RNF180: variants seen among roughly 807,000 people sequenced by gnomAD.
The protein encoded by RNF180 is ring finger protein 180, also known as E3 ubiquitin-protein ligase RNF180.
A neutral mutation model predicts 59.2 loss-of-function variants in RNF180; 38 were observed. The observed-to-expected ratio is 0.64, with a 90% CI of 0.50 to 0.84. RNF180 has a LOEUF of 0.84. Ranked by LOEUF, RNF180 falls within the 40% of genes least tolerant of loss-of-function variation. The pLI is 0.00. For missense variants in RNF180, 705 were observed against 700.9 expected (o/e 1.01, Z -0.07); for synonymous variants, 262 against 240.3 (o/e 1.09, Z -0.84).
intron 5 of RNF180, among the ~76,000 whole-genome samples, chr5:64,288,508 T>C (rs1742406798): frequency 1.3e-5 from 2 of 152,216 alleles, no homozygotes; most frequent in Admixed American, 6.5e-5. Flanking sequence ...TTTCACGATA[T>C]GATTCTTCCT....
chr5:64,340,850 G>A (rs1263249773), intron 7 of RNF180, among the ~76,000 whole-genome samples: 1 of 152,008 alleles, frequency 6.6e-6, no homozygotes, highest in Non-Finnish European at 1.5e-5. Context: ...TGTACATTTT[G>A]TTCAACTATC....
intron 1 of RNF180, among the ~76,000 whole-genome samples, chr5:64,177,899 A>G (rs546559679): frequency 6.6e-6 from 1 of 152,184 alleles, no homozygotes; most frequent in Admixed American, 6.5e-5. Context: ...ACCCACATGG[A>G]AACTATGTAG....
rs531526033 is a variant in RNF180, at chr5:64,277,196, A to G, written c.1228-47990A>G. ...GTGGTCTTAAAAAAAAAAAAGGGGAAAAAAAAAAAAAGAGACCGCAGAGAG... is the reference window on the plus strand; with the variant it reads ...GTGGTCTTAAAAAAAAAAAAGGGGAGAAAAAAAAAAAGAGACCGCAGAGAG... On this transcript the variant is annotated intron_variant, in intron 5 of 7. Coordinates refer to ENST00000389100, the MANE Select transcript of RNF180 (RefSeq NM_001113561.2). 9.4e-4 allele frequency among the ~76,000 whole-genome samples: 138 copies of G among 147,458 alleles called. 1 individual carries two copies. The East Asian group carries it at 0.011, about 12-fold the overall frequency.
chr5:64,232,973 C>G (rs927231408), intron 5 of RNF180, among the ~76,000 whole-genome samples: 1 of 152,188 alleles, frequency 6.6e-6, no homozygotes, highest in Non-Finnish European at 1.5e-5. Context: ...AACCAATATG[C>G]TCCATCCTCT....
At chr5:64,298,254 A>G (rs1742989538) in intron 5 of RNF180, among the ~76,000 whole-genome samples, 1 of 151,992 alleles carries the variant, frequency 6.6e-6, no homozygotes, top group Admixed American at 6.6e-5. Context: ...TTCTTTATCC[A>G]GTCTATCATT....
intron 2 of RNF180, among the ~76,000 whole-genome samples, chr5:64,202,167 A>G (rs1431699060): frequency 6.6e-6 from 1 of 152,210 alleles, no homozygotes; most frequent in Non-Finnish European, 1.5e-5. Context: ...GCCCTTCTGC[A>G]GGCAGTGGTC....
intron 2 of RNF180, among the ~76,000 whole-genome samples, chr5:64,204,362 A>G (rs765391377): frequency 5.3e-5 from 8 of 152,216 alleles, no homozygotes; most frequent in Non-Finnish European, 1.2e-4. Flanking sequence ...ATCATAGGGT[A>G]TGTGCATGTT....
At chr5:64,168,068 T>C (rs1749745210) in intron 1 of RNF180, among the ~76,000 whole-genome samples, 1 of 152,168 alleles carries the variant, frequency 6.6e-6, no homozygotes, top group Admixed American at 6.5e-5. Context: ...TAAAAACTTA[T>C]TCCAGTAGTG....
intron 5 of RNF180, among the ~76,000 whole-genome samples, chr5:64,312,618 C>T (rs1247143836): frequency 6.6e-6 from 1 of 152,056 alleles, no homozygotes; most frequent in Non-Finnish European, 1.5e-5. Flanking sequence ...CGTTCAGCAT[C>T]AGTAAGGCAA....
intron 5 of RNF180, among the ~76,000 whole-genome samples, chr5:64,324,206 G>A (rs1744513061): frequency 5.3e-5 from 8 of 152,100 alleles, no homozygotes; most frequent in Admixed American, 5.2e-4. Flanking sequence ...ATTTACAAAA[G>A]ATGAATAAAA....
intron 1 of RNF180, among the ~76,000 whole-genome samples, chr5:64,168,621 A>G (rs567811351): frequency 6.6e-6 from 1 of 152,354 alleles, no homozygotes; most frequent in African/African-American, 2.4e-5. Context: ...TGTATTTCAT[A>G]GAGAAGTTTG....
chr5:64,223,127 G>A (rs1236169244), intron 5 of RNF180, among the ~76,000 whole-genome samples: 1 of 152,140 alleles, frequency 6.6e-6, no homozygotes, highest in Non-Finnish European at 1.5e-5. Context: ...TATTTCTTCT[G>A]GAGGCTCTAT....
chr5:64,184,261 G>A (rs1342964562), intron 1 of RNF180, among the ~76,000 whole-genome samples: 1 of 152,166 alleles, frequency 6.6e-6, no homozygotes, highest in Admixed American at 6.5e-5. Flanking sequence ...GTGGTACTTT[G>A]TTATGGTAGT....
intron 5 of RNF180, among the ~76,000 whole-genome samples, chr5:64,231,946 G>A (rs1742126447): frequency 6.6e-6 from 1 of 152,170 alleles, no homozygotes; most frequent in Non-Finnish European, 1.5e-5. Context: ...TAAGTGACCA[G>A]TCTTTGTGTT....
chr5:64,265,240 AT>A (rs1744589546), intron 5 of RNF180, among the ~76,000 whole-genome samples: 1 of 152,068 alleles, frequency 6.6e-6, no homozygotes, highest in South Asian at 2.1e-4. Flanking sequence ...ATTAGATCCC[AT>A]TTATCAATTC....
intron 1 of RNF180, among the ~76,000 whole-genome samples, chr5:64,166,656 G>T (rs1172733862): frequency 6.6e-6 from 1 of 152,170 alleles, no homozygotes; most frequent in African/African-American, 2.4e-5. Context: ...TCTAACAGTT[G>T]TAAGTGTATC....
At position 64,259,030 on chromosome 5, in the gene RNF180, ATTGT is replaced by A. The variant is rs376996996; in HGVS notation, c.1227+41657_1227+41660del. Among the ~76,000 whole-genome samples, 725 of 152,136 alleles carry A rather than the reference ATTGT, an allele frequency of 4.8e-3. 6 individuals are homozygous for A. The highest frequency in any genetic ancestry group is 0.015 in the African/African-American group (637 of 41,494). The stretch of plus-strand genomic sequence containing the variant: ...AGCTTATATAGCCACATGTGAGTAT[ATTGT>A]TTGTTTGTTTGTTTGTTTGTTTTTG... On this transcript the variant is annotated intron_variant, in intron 5 of 7. Coordinates refer to ENST00000389100, the MANE Select transcript of RNF180 (RefSeq NM_001113561.2).
chr5:64,275,620 C>T (rs1028372260), intron 5 of RNF180, among the ~76,000 whole-genome samples: 2 of 151,812 alleles, frequency 1.3e-5, no homozygotes, highest in Non-Finnish European at 2.9e-5. Context: ...AGCCCAGTTT[C>T]TATGAGGAGG....
intron 1 of RNF180, among the ~76,000 whole-genome samples, chr5:64,188,704 A>G (rs866916582): frequency 1.3e-5 from 2 of 152,082 alleles, no homozygotes; most frequent in Admixed American, 6.6e-5. Context: ...CCTTTGAGAA[A>G]TATTTGGTGG....
Sources: allele counts gnomAD v4.1 joint callset (sites outside exome capture counted in the v4.1 genomes callset), GRCh38; gene constraint gnomAD v4.1.1; transcripts MANE v1.5; gene names NCBI Gene and HGNC (gene_info 2026-07-23, HGNC 2026-07-21).